The following AHCYL2 variants were observed in gnomAD, a reference collection of about 807,000 sequenced individuals.
AHCYL2 encodes the protein adenosylhomocysteinase like 2.
Under a neutral mutation model 81.4 loss-of-function variants are expected in AHCYL2, and 28 were observed. The ratio of observed to expected loss-of-function variants is 0.34; its 90% CI spans 0.25 to 0.47. The LOEUF is 0.47. Among genes scored for constraint, AHCYL2 ranks in the 20% least tolerant of loss-of-function variants. The pLI is 1.00. For missense variants in AHCYL2, 551 were observed against 785.1 expected (o/e 0.70, Z 3.56); for synonymous variants, 272 against 290.2 (o/e 0.94, Z 0.64).
intron 1 of AHCYL2, chr7:129,375,649 T>C: frequency 5.8e-6 from 8 of 1,374,238 alleles, no homozygotes; most frequent in Non-Finnish European, 7.5e-6. Context: ...TAGGAATGGC[T>C]GTTGAGCCAC....
At chr7:129,386,462 CA>C (rs574468187) in intron 2 of AHCYL2, among the ~76,000 whole-genome samples, 5,507 of 123,938 alleles carry the variant, frequency 0.044, 268 homozygotes, top group African/African-American at 0.14. Flanking sequence ...GACCCTGGCT[CA>C]AAAAAAAAAA....
chr7:129,361,709 A>G (rs946849263), intron 1 of AHCYL2, among the ~76,000 whole-genome samples: 11 of 152,026 alleles, frequency 7.2e-5, no homozygotes, highest in Admixed American at 2.6e-4. Flanking sequence ...AGATCATTGT[A>G]ACTTCAAACT....
chr7:129,422,756 T>C, intron 12 of AHCYL2, 84 bp from the exon 13 acceptor site: 1 of 1,239,642 alleles, frequency 8.1e-7, no homozygotes. Flanking sequence ...CAACCTGCTA[T>C]TTGAAATGGC....
chr7:129,318,125 A>G (rs919017997), intron 1 of AHCYL2, among the ~76,000 whole-genome samples: 3 of 152,224 alleles, frequency 2.0e-5, no homozygotes, highest in African/African-American at 7.2e-5. Flanking sequence ...GGAAGCTAAG[A>G]TTATATGGAA....
intron 1 of AHCYL2, among the ~76,000 whole-genome samples, chr7:129,308,062 A>G (rs1392456805): frequency 6.6e-6 from 1 of 151,622 alleles, no homozygotes; most frequent in East Asian, 1.9e-4. Flanking sequence ...GGGTTGAGGG[A>G]GGGGTGACGC....
chr7:129,326,105 G>T (rs1046762051), intron 1 of AHCYL2, among the ~76,000 whole-genome samples: 1 of 152,060 alleles, frequency 6.6e-6, no homozygotes, highest in Admixed American at 6.5e-5. Flanking sequence ...AAATAATAGT[G>T]TGATGAACAT....
chr7:129,230,959 G>A (rs990849557), intron 1 of AHCYL2, among the ~76,000 whole-genome samples: 4 of 152,058 alleles, frequency 2.6e-5, no homozygotes, highest in Admixed American at 6.6e-5. Context: ...AGGTCTTACC[G>A]TGTGTTTTTG....
intron 1 of AHCYL2, among the ~76,000 whole-genome samples, chr7:129,336,036 TTTCTC>T (rs1167796325): frequency 7.5e-5 from 11 of 146,896 alleles, no homozygotes; most frequent in South Asian, 2.2e-4. Context: ...TTTCTTTTCT[TTTCTC>T]TTCTCTTCTT....
chr7:129,388,051 G>A (rs1449958923), intron 2 of AHCYL2: 2 of 152,172 alleles, frequency 1.3e-5, no homozygotes, highest in African/African-American at 2.4e-5. Context: ...TCAGAGCATC[G>A]TAGACCGTAG....
At chr7:129,373,586 C>T (rs1269575637) in intron 1 of AHCYL2, among the ~76,000 whole-genome samples, 2 of 150,926 alleles carry the variant, frequency 1.3e-5, no homozygotes, top group Non-Finnish European at 3.0e-5. Context: ...GGTGACAGAC[C>T]AAGACTCAGT....
intron 1 of AHCYL2, among the ~76,000 whole-genome samples, chr7:129,323,339 G>A (rs1798105601): frequency 1.3e-5 from 2 of 151,944 alleles, no homozygotes; most frequent in Non-Finnish European, 2.9e-5. Flanking sequence ...TGGAAGTATT[G>A]TATATAATTT....
At chr7:129,397,826 G>A (rs1795818029) in intron 5 of AHCYL2, among the ~76,000 whole-genome samples, 1 of 152,184 alleles carries the variant, frequency 6.6e-6, no homozygotes, top group Non-Finnish European at 1.5e-5. Flanking sequence ...GACTTTGCCA[G>A]CCTCTTGCCT....
intron 12 of AHCYL2, among the ~76,000 whole-genome samples, chr7:129,422,286 A>G (rs981313976): frequency 4.6e-5 from 7 of 152,204 alleles, no homozygotes; most frequent in Non-Finnish European, 7.3e-5. Flanking sequence ...ACCATCATTG[A>G]AAAGGTGGAA....
intron 1 of AHCYL2, among the ~76,000 whole-genome samples, chr7:129,316,876 A>G (rs998944533): frequency 6.6e-6 from 1 of 152,258 alleles, no homozygotes; most frequent in South Asian, 2.1e-4. Flanking sequence ...GTTTCCTTTC[A>G]CAAGATGGCA....
intron 12 of AHCYL2, among the ~76,000 whole-genome samples, chr7:129,422,352 G>A (rs1396371579): frequency 6.6e-6 from 1 of 152,046 alleles, no homozygotes; most frequent in Non-Finnish European, 1.5e-5. Context: ...CTATGTTTAG[G>A]ACATTTGGCC....
chr7:129,337,140 G>GT (rs946689281), intron 1 of AHCYL2, among the ~76,000 whole-genome samples: 65 of 152,274 alleles, frequency 4.3e-4, no homozygotes, highest in African/African-American at 1.5e-3. Flanking sequence ...ATAAAAATAA[G>GT]TTTTTTATCA....
chr7:129,406,786 C>T lies in AHCYL2; in HGVS notation c.1295+320C>T, dbSNP rs921464400. ...AAAGAAATTGGCAGGCATCAGATGC[C>T]TTCTGATGTGTTACACTGAAAATAG... On this transcript the variant is annotated intron_variant, in intron 10 of 16. Transcript: ENST00000325006. This position sits in a 1 kb window ranked among gnomAD's most constrained non-coding sequence, Gnocchi z 4.3. Among the ~76,000 whole-genome samples, 4 of 152,278 alleles carry T rather than the reference C, an allele frequency of 2.6e-5. No individual in the cohort carries two copies. In the South Asian group the frequency reaches 8.3e-4, roughly 32 times the overall value.
chr7:129,370,559 G>A (rs1047262368), intron 1 of AHCYL2, among the ~76,000 whole-genome samples: 12 of 152,268 alleles, frequency 7.9e-5, no homozygotes, highest in East Asian at 3.9e-4. Context: ...TTAGCCGGGC[G>A]TGGTGGCGGG....
chr7:129,370,741 C>T (rs1794367480), intron 1 of AHCYL2, among the ~76,000 whole-genome samples: 1 of 152,290 alleles, frequency 6.6e-6, no homozygotes, highest in Non-Finnish European at 1.5e-5. Flanking sequence ...CACAGCTCTG[C>T]TCTGTTCTGT....
Sources: allele counts gnomAD v4.1 joint callset (sites outside exome capture counted in the v4.1 genomes callset), GRCh38; gene constraint gnomAD v4.1.1; non-coding constraint Gnocchi (gnomAD v3.1); transcripts MANE v1.5; gene names NCBI Gene and HGNC (gene_info 2026-07-23, HGNC 2026-07-21).